PIPOX: variants seen among roughly 807,000 people sequenced by gnomAD.
PIPOX encodes the protein pipecolic acid and sarcosine oxidase.
Under a neutral mutation model 47.9 loss-of-function variants are expected in PIPOX, and 45 were observed. The ratio of observed to expected loss-of-function variants is 0.94; its 90% confidence interval spans 0.74 to 1.20. The LOEUF (loss-of-function observed/expected upper bound fraction) is 1.20, where lower values mean the gene tolerates loss of function less well. Ranked by LOEUF, PIPOX falls within the 50% of genes most tolerant of loss-of-function variation. PIPOX has a pLI of 0.00. For missense variants in PIPOX, 458 were observed against 498.4 expected (o/e 0.92, Z 0.77); for synonymous variants, 165 against 191.3 (o/e 0.86, Z 1.13).
intron 2 of PIPOX, among the ~76,000 whole-genome samples, chr17:29,045,960 T>C (rs559925992): frequency 2.8e-4 from 42 of 152,260 alleles, no homozygotes; most frequent in African/African-American, 1.0e-3. Flanking sequence ...TGTGATGCAA[T>C]GGGAACTTTA....
At chr17:29,047,387 A>T (rs923771543) in intron 2 of PIPOX, among the ~76,000 whole-genome samples, 1 of 152,238 alleles carries the variant, frequency 6.6e-6, no homozygotes, top group Admixed American at 6.5e-5. Context: ...TCACAATCTT[A>T]TGAGAGGGTT....
Position 29,054,656 on chromosome 17 carries a change from G to C in PIPOX, c.772G>C (p.Gly258Arg), listed in dbSNP as rs772680127. The C allele has an allele frequency of 6.2e-7, 1 of 1,614,114 alleles. No individual in the cohort carries two copies. The highest frequency in any genetic ancestry group is 1.1e-5 in the South Asian group (1 of 91,080). Residue 258 changes from glycine to arginine, a missense_variant, in exon 5 of 8, where the codon GGA (glycine) becomes CGA (arginine). Physicochemically the swap from Gly to Arg is moderately radical, Grantham distance 125 (BLOSUM62 -2). Transcript: ENST00000323372. ...GGGCTTGTGTCCCCACCACATCTAC[G>C]GACTGCCCACAGGAGAGTACCCAGG... ...WLGLCPHHIY[G>R]LPTGEYPGLM...
intron 5 of PIPOX, 47 bp downstream of exon 5, chr17:29,054,738 A>T (rs1367962791): frequency 6.3e-7 from 1 of 1,592,880 alleles, no homozygotes; most frequent in East Asian, 2.3e-5. Flanking sequence ...AGTGCAGATT[A>T]GGGGAAGCTG....
At chr17:29,048,102 C>A (rs2065792242) in intron 2 of PIPOX, among the ~76,000 whole-genome samples, 1 of 152,166 alleles carries the variant, frequency 6.6e-6, no homozygotes, top group Non-Finnish European at 1.5e-5. Flanking sequence ...TTATTTGGTT[C>A]TTTTACTTAG....
chr17:29,056,350 C>T lies in PIPOX; in HGVS notation c.*45C>T, dbSNP rs1193469688. 1 of 1,611,378 alleles carries T rather than the reference C, an allele frequency of 6.2e-7. No individual in the cohort carries two copies. The highest frequency in any genetic ancestry group is 1.3e-5 in the African/African-American group (1 of 74,814). ...CTTCTGTGCACAGGAGCCAGTTTCA[C>T]AGATGGAGAAGATGTCTCAGATGAA... On this transcript the variant is annotated 3_prime_UTR_variant, in exon 8 of 8. Transcript: ENST00000323372.
intron 4 of PIPOX, 170 bp downstream of exon 4, chr17:29,053,765 C>A (rs1479927593): frequency 2.0e-6 from 1 of 502,954 alleles, no homozygotes; most frequent in Non-Finnish European, 3.5e-6. Context: ...TGATAGCTAC[C>A]TCATAGGGCT....
rs57047541 is a variant in PIPOX at position 29,045,403 on chromosome 17, C to CTTTTT, written c.263+420_263+424dup. 7.1e-4 allele frequency among the ~76,000 whole-genome samples: 36 copies of CTTTTT among 50,982 alleles called. 5 individuals carry two copies. Among genetic ancestry groups the CTTTTT allele is most frequent in the East Asian group, 6.1e-3 (8 of 1,314 alleles). The allele number at this position is 50,982 out of a possible 152,430, so 33.4% of individuals were successfully genotyped here. On this transcript the variant is annotated intron_variant, in intron 2 of 7. Coordinates refer to ENST00000323372, the MANE Select transcript of PIPOX (RefSeq NM_016518.3). ...GGAGGAGGCTGCTTTCAGGAGGATT[C>CTTTTT]TTTTTTTTTTTTTTTTTTTTTTTTT...
rs182919534 is a variant in PIPOX, at chr17:29,054,462, C to T, written c.661-83C>T. 46 of 1,515,452 alleles carry T rather than the reference C, an allele frequency of 3.0e-5. 1 individual carries two copies. In the Admixed American group the frequency reaches 5.2e-4, roughly 17 times the overall value. 93.9% of individuals were successfully genotyped at this position (1,515,452 alleles called of 1,614,324 possible). ...GGTGTCCAGGCTTGTGTTAGAGGGC[C>T]GCAGGGGCCCAGAGAAACTGCTTTC... is the stretch of plus-strand genomic sequence containing the variant. On this transcript the variant is annotated intron_variant, in intron 4 of 7. Coordinates refer to ENST00000323372, the MANE Select transcript of PIPOX (RefSeq NM_016518.3).
chr17:29,046,365 G>A, intron 2 of PIPOX, among the ~76,000 whole-genome samples: 1 of 152,144 alleles, frequency 6.6e-6, no homozygotes, highest in Admixed American at 6.5e-5. Flanking sequence ...TAGAGTGTCT[G>A]GAATCTTTCC....
chr17:29,049,561 T>C (rs2152698483), intron 2 of PIPOX, among the ~76,000 whole-genome samples: 1 of 152,338 alleles, frequency 6.6e-6, no homozygotes, highest in South Asian at 2.1e-4. Context: ...AAAAGGCCCA[T>C]TCTCCAATCC....
rs371948623 is a variant in PIPOX, at chr17:29,047,738, A to G, written c.263+2731A>G. Among the ~76,000 whole-genome samples, 13 of 152,296 alleles carry G rather than the reference A, an allele frequency of 8.5e-5. No homozygotes were observed. In the East Asian group the frequency reaches 1.2e-3, roughly 14 times the overall value. On this transcript the variant is annotated intron_variant, in intron 2 of 7. Coordinates refer to ENST00000323372, the MANE Select transcript of PIPOX (RefSeq NM_016518.3). ...ATTTAAAAACCATCTTGGCTCATGGACCAGACCAAAACAAGCAGAAGGCCA... is the reference window on the plus strand; with the variant it reads ...ATTTAAAAACCATCTTGGCTCATGGGCCAGACCAAAACAAGCAGAAGGCCA...
chr17:29,050,089 T>C (rs2065800258), intron 2 of PIPOX, among the ~76,000 whole-genome samples: 1 of 152,140 alleles, frequency 6.6e-6, no homozygotes, highest in Admixed American at 6.5e-5. Flanking sequence ...AGTTCATTTT[T>C]CCCACATAGT....
intron 2 of PIPOX, among the ~76,000 whole-genome samples, chr17:29,045,990 A>C (rs1568018375): frequency 6.6e-6 from 1 of 151,644 alleles, no homozygotes; most frequent in Non-Finnish European, 1.5e-5. Context: ...CCTCCCTCCC[A>C]CCTCCTCTGT....
chr17:29,054,833 G>A (rs915111063), intron 5 of PIPOX, 142 bp downstream of exon 5: 1 of 1,131,634 alleles, frequency 8.8e-7, no homozygotes, highest in African/African-American at 1.6e-5. Context: ...TGCAAGGAAA[G>A]ACCCTCAGCT....
In PIPOX at chr17:29,052,968, G is replaced by C; in HGVS notation, c.312G>C (p.Lys104Asn). 6.2e-7 allele frequency: 1 copy of C among 1,614,246 alleles called. No individual in the cohort carries two copies. The highest frequency in any genetic ancestry group is 2.2e-5 in the East Asian group (1 of 44,888). The change falls in exon 3 of 8, where the codon AAG becomes AAC. Residue 104 changes from lysine to asparagine, a missense_variant. Physicochemically the swap from Lys to Asn is moderately conservative, Grantham distance 94. Transcript: ENST00000323372. ...LLGMKENQEL[K>N]TIQANLSRQR... ...GAATGAAAGAGAATCAAGAATTAAA[G>C]ACAATCCAGGCCAATCTGTCGAGGC...
At chr17:29,054,257 C>A (rs2152698909) in intron 4 of PIPOX, among the ~76,000 whole-genome samples, 1 of 152,288 alleles carries the variant, frequency 6.6e-6, no homozygotes, top group South Asian at 2.1e-4. Flanking sequence ...ACTCAATAAA[C>A]CTGAGGTCTT....
chr17:29,055,714 C>A, intron 6 of PIPOX, 99 bp from the exon 7 acceptor site: 1 of 1,030,580 alleles, frequency 9.7e-7, no homozygotes, highest in Non-Finnish European at 1.5e-6. Flanking sequence ...TCCATCCTTT[C>A]TGGAAAGAAA....
intron 2 of PIPOX, among the ~76,000 whole-genome samples, chr17:29,052,364 T>C (rs1192551506): frequency 6.6e-6 from 1 of 152,116 alleles, no homozygotes; most frequent in African/African-American, 2.4e-5. Context: ...AGAAGGGGCA[T>C]AGAGGACAAG....
chr17:29,045,132 AC>A, intron 2 of PIPOX, 125 bp downstream of exon 2: 1 of 1,073,004 alleles, frequency 9.3e-7, no homozygotes, highest in Non-Finnish European at 1.3e-6. Context: ...CTCAAGAAGT[AC>A]CAGATGCATG....
Sources: gnomAD v4.1 joint callset for allele counts (sites outside exome capture counted in the v4.1 genomes callset) on GRCh38, gnomAD v4.1.1 for gene constraint, MANE v1.5 for transcripts, NCBI Gene and HGNC (gene_info 2026-07-23, HGNC 2026-07-21) for gene names.